MAD1L1: variants seen among roughly 807,000 people sequenced by gnomAD.
The protein encoded by MAD1L1 is mitotic spindle assembly checkpoint protein MAD1.
MAD1L1 carries 95 observed loss-of-function variants against 96.9 expected under a neutral mutation model. The observed-to-expected ratio is 0.98, with a 90% CI of 0.83 to 1.16. The LOEUF is 1.16. Ranked by LOEUF, MAD1L1 falls within the 50% of genes most tolerant of loss-of-function variation. The probability of loss-of-function intolerance (pLI) is 0.00; values close to 1 mark genes in which losing one functional copy is unlikely to be tolerated. For missense variants in MAD1L1, 1,007 were observed against 954.4 expected, an observed-to-expected ratio of 1.06 and a Z score of -0.73; for synonymous variants, 473 against 396.6, an observed-to-expected ratio of 1.19 and a Z score of -2.29.
intron 12 of MAD1L1, among the ~76,000 whole-genome samples, chr7:2,020,577 C>CCT (rs994398744): frequency 5.9e-5 from 9 of 152,194 alleles, no homozygotes; most frequent in African/African-American, 2.2e-4. Context: ...CTCCCTGGGT[C>CCT]CTCTCTCACC....
intron 18 of MAD1L1, among the ~76,000 whole-genome samples, chr7:1,825,902 G>A (rs2128623107): frequency 6.6e-6 from 1 of 152,032 alleles, no homozygotes; most frequent in South Asian, 2.1e-4. Context: ...CCAGCCCCAG[G>A]GTTGGCGGTC....
intron 13 of MAD1L1, among the ~76,000 whole-genome samples, chr7:2,010,870 G>A (rs1782267348): frequency 6.6e-6 from 1 of 152,166 alleles, no homozygotes; most frequent in Non-Finnish European, 1.5e-5. Context: ...GGCTTGCGAG[G>A]CCCGAGGTCA....
At chr7:2,112,670 AGTGTCAGG>A (rs1787441630) in intron 11 of MAD1L1, among the ~76,000 whole-genome samples, 1 of 152,208 alleles carries the variant, frequency 6.6e-6, no homozygotes, top group Admixed American at 6.5e-5. Flanking sequence ...GGATGGAGCC[AGTGTCAGG>A]GTGTCCACCG....
intron 11 of MAD1L1, among the ~76,000 whole-genome samples, chr7:2,122,928 G>GC (rs1329613588): frequency 6.6e-6 from 1 of 152,216 alleles, no homozygotes. Context: ...GTCACCGTCT[G>GC]CCCATCCTGC....
intron 12 of MAD1L1, among the ~76,000 whole-genome samples, chr7:2,018,381 G>A: frequency 6.6e-6 from 1 of 152,358 alleles, no homozygotes; most frequent in Middle Eastern, 3.4e-3. Context: ...CAGCCACGGT[G>A]GTCACTTCTG....
chr7:2,001,737 C>T (rs1040906363), intron 14 of MAD1L1, among the ~76,000 whole-genome samples: 18 of 152,210 alleles, frequency 1.2e-4, no homozygotes, highest in African/African-American at 4.1e-4. Context: ...ATGTCCAGTT[C>T]GCTGCTGGAC....
chr7:1,972,112 T>C (rs1780430322), intron 15 of MAD1L1, among the ~76,000 whole-genome samples: 1 of 152,180 alleles, frequency 6.6e-6, no homozygotes. Context: ...CTTCCCTCCA[T>C]GTCTACTCCC....
intron 10 of MAD1L1, among the ~76,000 whole-genome samples, chr7:2,158,340 A>C (rs1789939710): frequency 6.6e-6 from 1 of 152,186 alleles, no homozygotes; most frequent in African/African-American, 2.4e-5. Flanking sequence ...GAGTCTGAAA[A>C]ACTGGAGACC....
At chr7:2,187,284 G>C (rs1220884517) in intron 10 of MAD1L1, among the ~76,000 whole-genome samples, 1 of 152,064 alleles carries the variant, frequency 6.6e-6, no homozygotes, top group Non-Finnish European at 1.5e-5. Context: ...AGAAGGTTGA[G>C]GTTGCAGTGA....
intron 11 of MAD1L1, among the ~76,000 whole-genome samples, chr7:2,132,904 T>C (rs867411944): frequency 1.3e-5 from 2 of 152,268 alleles, no homozygotes; most frequent in Middle Eastern, 6.8e-3. Flanking sequence ...TGGGGGTGGG[T>C]CCCTCATGAC....
intron 11 of MAD1L1, among the ~76,000 whole-genome samples, chr7:2,072,190 G>C (rs1224506810): frequency 6.6e-6 from 1 of 152,238 alleles, no homozygotes; most frequent in South Asian, 2.1e-4. Flanking sequence ...CAGGTAGACA[G>C]TGTCAGAACA....
chr7:2,201,144 T>C (rs1248802927), intron 10 of MAD1L1, among the ~76,000 whole-genome samples: 1 of 151,036 alleles, frequency 6.6e-6, no homozygotes, highest in Non-Finnish European at 1.5e-5. Flanking sequence ...TGGGGAGCTG[T>C]GGAGCCCCGT....
At chr7:2,090,676 G>A (rs1192976325) in intron 11 of MAD1L1, among the ~76,000 whole-genome samples, 1 of 152,190 alleles carries the variant, frequency 6.6e-6, no homozygotes, top group Non-Finnish European at 1.5e-5. Context: ...GCCCAGGCAG[G>A]CCCCCCGCAG....
At chr7:2,171,177 G>A (rs1015465260) in intron 10 of MAD1L1, among the ~76,000 whole-genome samples, 18 of 152,366 alleles carry the variant, frequency 1.2e-4, no homozygotes, top group African/African-American at 4.1e-4. Flanking sequence ...CTGAAGAGAA[G>A]CAACGTTTCC....
At chr7:1,949,735 G>C (rs567390872) in intron 16 of MAD1L1, among the ~76,000 whole-genome samples, 1 of 152,346 alleles carries the variant, frequency 6.6e-6, no homozygotes, top group African/African-American at 2.4e-5. Context: ...CGGTCCCTTG[G>C]ACGCAGTGCC....
At chr7:1,935,851 G>T (rs1301100022) in intron 17 of MAD1L1, among the ~76,000 whole-genome samples, 1 of 152,248 alleles carries the variant, frequency 6.6e-6, no homozygotes, top group Admixed American at 6.5e-5. Context: ...CAAGGGAGGG[G>T]GCTGGCAGCC....
chr7:2,102,494 T>C (rs1436094413), intron 11 of MAD1L1, among the ~76,000 whole-genome samples: 1 of 144,936 alleles, frequency 6.9e-6, no homozygotes, highest in Non-Finnish European at 1.5e-5. Flanking sequence ...CTCACCACTG[T>C]CACCAATAAC....
chr7:1,887,191 G>C (rs1034083721), intron 18 of MAD1L1, among the ~76,000 whole-genome samples: 2 of 152,254 alleles, frequency 1.3e-5, no homozygotes, highest in African/African-American at 2.4e-5. Context: ...GGACGCCTGG[G>C]AGAGACAGAG....
chr7:1,971,486 G>C (rs1780403922), intron 15 of MAD1L1, among the ~76,000 whole-genome samples: 1 of 152,104 alleles, frequency 6.6e-6, no homozygotes, highest in African/African-American at 2.4e-5. Context: ...ATGGGGAAGT[G>C]TTTATGTTAT....
Sources: gnomAD v4.1 joint callset for allele counts (sites outside exome capture counted in the v4.1 genomes callset) on GRCh38, gnomAD v4.1.1 for gene constraint, MANE v1.5 for transcripts, NCBI Gene and HGNC (gene_info 2026-07-23, HGNC 2026-07-21) for gene names.